ACACA: variants seen among roughly 807,000 people sequenced by gnomAD.
ACACA encodes acetyl-CoA carboxylase alpha, also known as acetyl-CoA carboxylase 1.
In ACACA, 103 loss-of-function variants were observed where a neutral mutation model predicts 296.1. The observed-to-expected ratio is 0.35, with a 90% CI of 0.30 to 0.41. ACACA has a LOEUF of 0.41. ACACA is among the 10% of genes least tolerant of loss of function. The pLI, the probability that ACACA is intolerant of heterozygous loss-of-function variation, is 1.00. For missense variants in ACACA, 1,554 were observed against 2,989.7 expected, an observed-to-expected ratio of 0.52 and a Z score of 11.20; for synonymous variants, 953 against 1,038.6, an observed-to-expected ratio of 0.92 and a Z score of 1.58.
chr17:37,148,058 TCTGA>T (rs1009568973), intron 45 of ACACA, among the ~76,000 whole-genome samples: 18 of 152,072 alleles, frequency 1.2e-4, no homozygotes, highest in African/African-American at 3.9e-4. Flanking sequence ...AAATTAGCTC[TCTGA>T]CTGGGTATGG....
chr17:37,151,050 C>CA (rs372728782), intron 44 of ACACA, among the ~76,000 whole-genome samples: 69 of 125,800 alleles, frequency 5.5e-4, no homozygotes, highest in African/African-American at 1.0e-3. Flanking sequence ...GACTCCATCT[C>CA]AAAAAAAAAA....
intron 41 of ACACA, among the ~76,000 whole-genome samples, chr17:37,173,996 ATATATATATATATATATATATATATTTT>A (rs1309543528): frequency 2.3e-4 from 2 of 8,600 alleles, no homozygotes; most frequent in Non-Finnish European, 4.0e-4. Context: ...ATATATATAT[ATATATATATATATATATATATATATTTT>A]TTTTTTTTTT....
intron 41 of ACACA, among the ~76,000 whole-genome samples, chr17:37,167,155 T>C (rs1230408147): frequency 7.2e-6 from 1 of 138,794 alleles, no homozygotes; most frequent in Non-Finnish European, 1.5e-5. Context: ...ACAGATGGGG[T>C]TTCACCATGT....
intron 33 of ACACA, among the ~76,000 whole-genome samples, chr17:37,203,297 T>A (rs1182183992): frequency 5.3e-5 from 8 of 152,146 alleles, no homozygotes; most frequent in Non-Finnish European, 1.0e-4. Context: ...TTGATAAGTA[T>A]GACACTTAGA....
intron 1 of ACACA, among the ~76,000 whole-genome samples, chr17:37,353,637 T>TTA (rs1450884043): frequency 1.8e-5 from 1 of 56,690 alleles, no homozygotes; most frequent in Non-Finnish European, 2.9e-5. Flanking sequence ...AGACTCCGTC[T>TTA]AAAAAAAAAA....
rs1347209760 is a variant in ACACA, at chr17:37,277,033, C to T, written c.802G>A (p.Gly268Ser). The T allele has an allele frequency of 6.2e-7, 1 of 1,613,002 alleles. No homozygotes were observed. The highest frequency in any genetic ancestry group is 8.5e-7 in the Non-Finnish European group (1 of 1,179,152). The change falls in exon 7 of 56, where the codon GGT becomes AGT. Residue 268 changes from glycine to serine, a missense_variant and splice_region_variant. Physicochemically the swap from Gly to Ser is moderately conservative, Grantham distance 56 (BLOSUM62 0). Transcript: ENST00000616317. Reference sequence around the variant, plus strand: ...CGGACAATATGTCAGAACAGCTTACCCATGAAGGCAATGCCATTTTTCAAG... The same window carrying T: ...CGGACAATATGTCAGAACAGCTTACTCATGAAGGCAATGCCATTTTTCAAG... ...LLLKNGIAFM[G>S]PPSQAMWALG... is the part of the protein sequence containing the mutation.
chr17:37,258,641 T>C (rs1408215513), intron 12 of ACACA, among the ~76,000 whole-genome samples: 1 of 152,162 alleles, frequency 6.6e-6, no homozygotes, highest in Non-Finnish European at 1.5e-5. Context: ...CATTTCTCCA[T>C]CACGTAATAA....
intron 45 of ACACA, among the ~76,000 whole-genome samples, chr17:37,131,536 T>C (rs1024725738): frequency 6.6e-6 from 1 of 152,202 alleles, no homozygotes; most frequent in African/African-American, 2.4e-5. Flanking sequence ...CAAAATTTCT[T>C]CCGTACGTGT....
chr17:37,192,557 T>C (rs1318333656), intron 36 of ACACA, among the ~76,000 whole-genome samples: 2 of 152,158 alleles, frequency 1.3e-5, no homozygotes, highest in African/African-American at 4.8e-5. Context: ...CAAGTGGTGA[T>C]GATATACATG....
At chr17:37,184,104 G>A (rs1451128300) in intron 39 of ACACA, among the ~76,000 whole-genome samples, 3 of 151,886 alleles carry the variant, frequency 2.0e-5, no homozygotes, top group African/African-American at 4.8e-5. Context: ...TGCCCACCTC[G>A]GCCTCCCAAA....
At chr17:37,164,249 T>C (rs1202153263) in intron 41 of ACACA, among the ~76,000 whole-genome samples, 4 of 152,012 alleles carry the variant, frequency 2.6e-5, no homozygotes, top group Non-Finnish European at 5.9e-5. Flanking sequence ...CATTAACAGA[T>C]GTAAATAGCG....
intron 1 of ACACA, among the ~76,000 whole-genome samples, chr17:37,354,824 C>T (rs1484829569): frequency 6.6e-6 from 1 of 152,130 alleles, no homozygotes; most frequent in Admixed American, 6.6e-5. Context: ...CCAGCTACTC[C>T]AGAAGGTAAG....
At chr17:37,350,707 C>T (rs923432192) in intron 1 of ACACA, among the ~76,000 whole-genome samples, 17 of 152,098 alleles carry the variant, frequency 1.1e-4, no homozygotes, top group Middle Eastern at 6.3e-3. Flanking sequence ...GGCATGGTGG[C>T]GCATGCCTGT....
chr17:37,295,650 C>T (rs977820843), intron 3 of ACACA, among the ~76,000 whole-genome samples: 2 of 152,084 alleles, frequency 1.3e-5, no homozygotes, highest in Non-Finnish European at 2.9e-5. Context: ...TTAGGCCAGG[C>T]ACGGTGGCTC....
At chr17:37,177,874 T>C (rs2077178715) in intron 41 of ACACA, among the ~76,000 whole-genome samples, 1 of 152,220 alleles carries the variant, frequency 6.6e-6, no homozygotes, top group African/African-American at 2.4e-5. Context: ...TCTGGTCCAA[T>C]GCTTGCATCC....
At chr17:37,226,083 C>A (rs2079530707) in intron 26 of ACACA, among the ~76,000 whole-genome samples, 1 of 151,994 alleles carries the variant, frequency 6.6e-6, no homozygotes, top group African/African-American at 2.4e-5. Context: ...CACAGGGCTA[C>A]TAGGGAGGGA....
At chr17:37,268,550 A>C (rs2081899363) in intron 10 of ACACA, among the ~76,000 whole-genome samples, 1 of 152,084 alleles carries the variant, frequency 6.6e-6, no homozygotes, top group South Asian at 2.1e-4. Flanking sequence ...AAAACTTATC[A>C]GCCTTTCTAC....
chr17:37,374,288 T>A (rs1417003290), intron 1 of ACACA, among the ~76,000 whole-genome samples: 2 of 150,302 alleles, frequency 1.3e-5, no homozygotes, highest in Non-Finnish European at 3.0e-5. Flanking sequence ...TTTTTTCTTT[T>A]CTTTTTTTTT....
At chr17:37,267,243 T>C (rs2081825508) in intron 10 of ACACA, among the ~76,000 whole-genome samples, 1 of 152,242 alleles carries the variant, frequency 6.6e-6, no homozygotes, top group Non-Finnish European at 1.5e-5. Flanking sequence ...TTCATGCAGC[T>C]ATAGTCATCT....
Sources: allele counts gnomAD v4.1 joint callset (sites outside exome capture counted in the v4.1 genomes callset), GRCh38; gene constraint gnomAD v4.1.1; transcripts MANE v1.5; gene names NCBI Gene and HGNC (gene_info 2026-07-23, HGNC 2026-07-21).